SLC12A2: variants seen among roughly 807,000 people sequenced by gnomAD.
SLC12A2 encodes Na-K-2Cl cotransporter 1.
A neutral mutation model predicts 136.3 loss-of-function variants in SLC12A2; 67 were observed. That is an observed-to-expected ratio of 0.49 (90% CI 0.40 to 0.60). The LOEUF (loss-of-function observed/expected upper bound fraction) is 0.60. SLC12A2 is among the 20% of genes least tolerant of loss of function. SLC12A2 has a pLI of 0.00. For missense variants in SLC12A2, 1,322 were observed against 1,534.7 expected (o/e 0.86, Z 2.32); for synonymous variants, 619 against 562.9 (o/e 1.10, Z -1.41).
chr5:128,161,860 CT>C, intron 17 of SLC12A2, 60 bp downstream of exon 17: 2 of 1,135,720 alleles, frequency 1.8e-6, no homozygotes, highest in South Asian at 3.4e-5. Context: ...CTTTTTAAAA[CT>C]TTTTAATTCT....
At chr5:128,176,234 A>G (rs1008195578) in intron 20 of SLC12A2, among the ~76,000 whole-genome samples, 1 of 152,054 alleles carries the variant, frequency 6.6e-6, no homozygotes, top group Non-Finnish European at 1.5e-5. Flanking sequence ...CAAGCTTAAG[A>G]GGTAGGTACT....
Position 128,178,626 on chromosome 5 carries a change from A to G in SLC12A2, c.3037A>G (p.Thr1013Ala), listed in dbSNP as rs768241948. 9.4e-6 allele frequency: 15 copies of G among 1,601,174 alleles called. No homozygotes were observed. The highest frequency in any genetic ancestry group is 1.7e-5 in the Admixed American group (1 of 58,668). Residue 1013 changes from threonine to alanine, a missense_variant, in exon 22 of 27, where the codon ACA becomes GCA. Coordinates refer to ENST00000262461, the MANE Select transcript of SLC12A2 (RefSeq NM_001046.3). ...VADQKLLEAS[T>A]QFQKKQGKNT... ...TGACCAAAAGCTTCTTGAAGCTAGT[A>G]CACAGTTTCAGAAAAAACAAGGAAA... is the stretch of plus-strand genomic sequence containing the variant.
intron 1 of SLC12A2, among the ~76,000 whole-genome samples, chr5:128,094,623 G>T (rs1201420027): frequency 1.3e-5 from 2 of 151,908 alleles, no homozygotes; most frequent in Admixed American, 6.6e-5. Flanking sequence ...GATTTAGGCT[G>T]CAGAGTTCTA....
chr5:128,154,612 C>T (rs1561691390), intron 15 of SLC12A2, among the ~76,000 whole-genome samples: 2 of 152,218 alleles, frequency 1.3e-5, no homozygotes, highest in Non-Finnish European at 2.9e-5. Flanking sequence ...TGTCTTGCTG[C>T]AGAGTAGTCC....
chr5:128,147,849 T>A, intron 11 of SLC12A2, 120 bp downstream of exon 11: 1 of 551,190 alleles, frequency 1.8e-6, no homozygotes, highest in Admixed American at 3.3e-5. Flanking sequence ...ATATATATGA[T>A]ATATATATGC....
At chr5:128,127,116 ATTTTTTTTTTTT>A (rs35726459) in intron 4 of SLC12A2, among the ~76,000 whole-genome samples, 1 of 68,734 alleles carries the variant, frequency 1.5e-5, no homozygotes. Context: ...TTGGTCTGGA[ATTTTTTTTTTTT>A]TTTTTTTTTT....
intron 4 of SLC12A2, among the ~76,000 whole-genome samples, chr5:128,123,799 A>G (rs1761678348): frequency 6.6e-6 from 1 of 152,258 alleles, no homozygotes; most frequent in African/African-American, 2.4e-5. Context: ...AGCTATGTCC[A>G]GTTCATCACT....
chr5:128,131,781 G>A (rs550470743), intron 5 of SLC12A2, among the ~76,000 whole-genome samples: 4 of 152,236 alleles, frequency 2.6e-5, no homozygotes, highest in Non-Finnish European at 4.4e-5. Context: ...AGAGTTGGGC[G>A]GATCACCTGA....
At chr5:128,132,746 G>A (rs1015623901) in intron 5 of SLC12A2, among the ~76,000 whole-genome samples, 9 of 152,052 alleles carry the variant, frequency 5.9e-5, no homozygotes, top group African/African-American at 2.2e-4. Flanking sequence ...TTACACCAAA[G>A]GGATGAAGAA....
intron 14 of SLC12A2, 104 bp downstream of exon 14, chr5:128,151,500 A>G: frequency 9.1e-7 from 1 of 1,095,126 alleles, no homozygotes; most frequent in South Asian, 1.6e-5. Context: ...CATCTTTTGT[A>G]TATTTGAAAG....
chr5:128,104,093 G>A (rs1233885919), intron 1 of SLC12A2, among the ~76,000 whole-genome samples: 2 of 152,146 alleles, frequency 1.3e-5, no homozygotes, highest in African/African-American at 4.8e-5. Flanking sequence ...CGGAAACCCA[G>A]GGGTCTAGAG....
At chr5:128,116,419 C>A (rs760076044) in intron 4 of SLC12A2, among the ~76,000 whole-genome samples, 141 of 136,512 alleles carry the variant, frequency 1.0e-3, no homozygotes, top group Non-Finnish European at 1.7e-3. Context: ...ATATATATAT[C>A]TCTTTACAAA....
chr5:128,084,114 G>C lies in SLC12A2; in HGVS notation c.160G>C (p.Gly54Arg). ...TGCTGCGCCCGCGAGCCGGGACGGC[G>C]GCGGGGTCCGCGATGAGGGCCCCGC... ...EDAAPASRDG[G>R]GVRDEGPAAA... The change falls in exon 1 of 27, where the codon GGC becomes CGC. Residue 54 changes from glycine (G) to arginine (R), a missense_variant. Coordinates refer to ENST00000262461, the MANE Select transcript of SLC12A2 (RefSeq NM_001046.3). The surrounding 1 kb of genome is among the most constrained non-coding windows in gnomAD (Gnocchi z 5.6). 2 of 1,307,588 alleles carry C rather than the reference G, an allele frequency of 1.5e-6. No homozygotes were observed. Among genetic ancestry groups the C allele is most frequent in the South Asian group, 2.3e-5 (1 of 44,414 alleles). 81.0% of individuals were successfully genotyped at this position (1,307,588 alleles called of 1,614,324 possible).
At chr5:128,109,930 G>A (rs1488532869) in intron 1 of SLC12A2, 2 of 827,728 alleles carry the variant, frequency 2.4e-6, no homozygotes, top group Non-Finnish European at 4.3e-6. Flanking sequence ...GGCTACGGGG[G>A]ATGAACTGCC....
chr5:128,148,734 T>G lies in SLC12A2; in HGVS notation c.1882-20T>G, dbSNP rs1348233314. ...ATGTCTAATTTTAATATGTTTCATTTTAATGTTTTCTTTCATTAGGCTCTA... is the reference window on the plus strand; with the variant it reads ...ATGTCTAATTTTAATATGTTTCATTGTAATGTTTTCTTTCATTAGGCTCTA... On this transcript the variant is annotated intron_variant, in intron 11 of 26. Transcript: ENST00000262461. The G allele has an allele frequency of 1.3e-6, 2 of 1,559,500 alleles. No homozygotes were observed. The highest frequency in any genetic ancestry group is 2.8e-5 in the African/African-American group (2 of 72,076).
At chr5:128,138,327 A>G in intron 7 of SLC12A2, among the ~76,000 whole-genome samples, 1 of 152,308 alleles carries the variant, frequency 6.6e-6, no homozygotes, top group African/African-American at 2.4e-5. Context: ...TGGGCTAGTC[A>G]TAACAATTCA....
At chr5:128,185,439 G>GATAGGAAAGCTC (rs1214156988) in intron 26 of SLC12A2, among the ~76,000 whole-genome samples, 2 of 151,978 alleles carry the variant, frequency 1.3e-5, no homozygotes, top group Non-Finnish European at 2.9e-5. Flanking sequence ...TGTGTCCTTA[G>GATAGGAAAGCTC]ATAGGAAAGC....
chr5:128,132,150 C>T (rs967497532), intron 5 of SLC12A2, among the ~76,000 whole-genome samples: 3 of 151,952 alleles, frequency 2.0e-5, no homozygotes, highest in Non-Finnish European at 2.9e-5. Flanking sequence ...GATTGGGGGG[C>T]GTGACATGCT....
chr5:128,113,542 G>A (rs1157248282), intron 2 of SLC12A2, among the ~76,000 whole-genome samples: 1 of 152,114 alleles, frequency 6.6e-6, no homozygotes, highest in Non-Finnish European at 1.5e-5. Context: ...CTTAATAGGG[G>A]TTGTATTGGA....
Sources: gnomAD v4.1 joint callset for allele counts (sites outside exome capture counted in the v4.1 genomes callset) on GRCh38, gnomAD v4.1.1 for gene constraint, Gnocchi (gnomAD v3.1) non-coding constraint, MANE v1.5 for transcripts, NCBI Gene and HGNC (gene_info 2026-07-23, HGNC 2026-07-21) for gene names.